Variants in ESF1 observed in about 807,000 individuals in gnomAD.
The protein encoded by ESF1 is ESF1 homolog.
Under a neutral mutation model 92.0 loss-of-function variants are expected in ESF1, and 58 were observed. The observed-to-expected ratio is 0.63, with a 90% CI of 0.51 to 0.78. ESF1 has a LOEUF of 0.78. ESF1 is among the 30% of genes least tolerant of loss of function. ESF1 has a pLI of 0.00. For missense variants in ESF1, 922 were observed against 989.1 expected (o/e 0.93, Z 0.91); for synonymous variants, 321 against 313.7 (o/e 1.02, Z -0.24).
chr20:13,758,171 C>T (rs1978988581), intron 9 of ESF1, among the ~76,000 whole-genome samples: 1 of 152,136 alleles, frequency 6.6e-6, no homozygotes, highest in African/African-American at 2.4e-5. Context: ...ATCTACCTTC[C>T]TTCAACTTTT....
At chr20:13,772,855 T>A (rs1184167863) in intron 4 of ESF1, among the ~76,000 whole-genome samples, 1 of 152,040 alleles carries the variant, frequency 6.6e-6, no homozygotes, top group African/African-American at 2.4e-5. Context: ...GAGTATCTCC[T>A]CCACATACCA....
Position 13,728,443 on chromosome 20 carries a change from T to G in ESF1, c.1973A>C (p.Glu658Ala). ...KQKALAEEASEEELPSDVDLN... is the reference protein window; with the variant it reads ...KQKALAEEASAEELPSDVDLN... ...ATCAACATCAGAGGGAAGTTCCTCTTCACTGGCCTCTTCAGCAAGAGCCTT... is the reference window on the plus strand; with the variant it reads ...ATCAACATCAGAGGGAAGTTCCTCTGCACTGGCCTCTTCAGCAAGAGCCTT... Residue 658 changes from glutamate (E) to alanine (A), a missense_variant, in exon 11 of 14, where the codon GAA becomes GCA. Glu to Ala is a moderately radical substitution (Grantham distance 107). Coordinates refer to ENST00000617257, the MANE Select transcript of ESF1 (RefSeq NM_001276380.2). 1 of 1,612,114 alleles carries G rather than the reference T, an allele frequency of 6.2e-7. No homozygotes were observed. The highest frequency in any genetic ancestry group is 8.5e-7 in the Non-Finnish European group (1 of 1,179,046).
At position 13,759,747 on chromosome 20, in the gene ESF1, T is replaced by A; in HGVS notation, c.1773A>T (p.Glu591Asp). The A allele has an allele frequency of 6.4e-7, 1 of 1,570,826 alleles. No individual in the cohort carries two copies. The highest frequency in any genetic ancestry group is 8.6e-7 in the Non-Finnish European group (1 of 1,168,332). Residue 591 changes from glutamate to aspartate, a missense_variant, in exon 9 of 14, where the codon GAA becomes GAT. Transcript: ENST00000617257. ...KYRQLLQVIQ[E>D]KEKKGKENDM... ...CATTTTCTTTGCCTTTCTTTTCTTT[T>A]TCTTGAATAACCTGCAAGAGCTGCC...
chr20:13,716,431 G>C (rs2049825358), intron 13 of ESF1, among the ~76,000 whole-genome samples: 1 of 152,088 alleles, frequency 6.6e-6, no homozygotes, highest in African/African-American at 2.4e-5. Context: ...ACCTTTGCTG[G>C]TCTGAGGATC....
intron 9 of ESF1, among the ~76,000 whole-genome samples, chr20:13,747,596 A>AG (rs1568717616): frequency 6.6e-6 from 1 of 151,336 alleles, no homozygotes; most frequent in Non-Finnish European, 1.5e-5. Context: ...CAGTCTCGAA[A>AG]AAAAAAAAAA....
intron 9 of ESF1, among the ~76,000 whole-genome samples, chr20:13,736,682 C>A (rs531064072): frequency 6.6e-6 from 1 of 151,882 alleles, no homozygotes; most frequent in Non-Finnish European, 1.5e-5. Flanking sequence ...ACTTTAGGAT[C>A]GAAATAAATG....
intron 11 of ESF1, among the ~76,000 whole-genome samples, chr20:13,719,409 T>C (rs1281351685): frequency 1.3e-5 from 2 of 152,094 alleles, no homozygotes; most frequent in African/African-American, 2.4e-5. Context: ...AAAGATTACA[T>C]AGATTCCATG....
intron 9 of ESF1, among the ~76,000 whole-genome samples, chr20:13,754,258 T>G (rs936046231): frequency 5.3e-5 from 8 of 152,198 alleles, no homozygotes; most frequent in African/African-American, 1.7e-4. Flanking sequence ...CTCACTGAAA[T>G]GCCTTCTTTA....
intron 11 of ESF1, among the ~76,000 whole-genome samples, chr20:13,723,843 A>AAT (rs1289674393): frequency 6.6e-6 from 1 of 152,246 alleles, no homozygotes; most frequent in Non-Finnish European, 1.5e-5. Context: ...TATTTTTGAA[A>AAT]AGCAAGGTCT....
At position 13,717,519 on chromosome 20, in the gene ESF1, A is replaced by T; in HGVS notation, c.2116-5T>A. 1 of 1,612,920 alleles carries T rather than the reference A, an allele frequency of 6.2e-7. No homozygotes were observed. Among genetic ancestry groups the T allele is most frequent in the Non-Finnish European group, 8.5e-7 (1 of 1,179,864 alleles). On this transcript the variant is annotated splice_region_variant and splice_polypyrimidine_tract_variant and intron_variant, in intron 12 of 13. Transcript: ENST00000617257. ...CATAAGCAAAGCCATTTCAGCCTGT[A>T]GAGAGCAAAAAAAAGTTCAAATGTA...
intron 2 of ESF1, among the ~76,000 whole-genome samples, chr20:13,776,589 C>T (rs1360470783): frequency 6.6e-6 from 1 of 152,164 alleles, no homozygotes; most frequent in Non-Finnish European, 1.5e-5. Flanking sequence ...GCTCAATATA[C>T]AACAGTTGGT....
At chr20:13,748,866 C>T (rs6105161) in intron 9 of ESF1, among the ~76,000 whole-genome samples, 2 of 151,800 alleles carry the variant, frequency 1.3e-5, no homozygotes, top group African/African-American at 2.4e-5. Context: ...GGATTAAAGG[C>T]GTGAGCCACC....
intron 9 of ESF1, 57 bp downstream of exon 9, chr20:13,759,635 A>C: frequency 6.5e-7 from 1 of 1,543,182 alleles, no homozygotes; most frequent in Non-Finnish European, 8.6e-7. Flanking sequence ...CATATTTAAA[A>C]GGTACTCAAC....
At chr20:13,771,280 A>G in intron 6 of ESF1, 51 bp downstream of exon 6, 1 of 1,505,510 alleles carries the variant, frequency 6.6e-7, no homozygotes, top group South Asian at 1.2e-5. Flanking sequence ...TTTACTTCTT[A>G]TAATCATGTT....
intron 9 of ESF1, among the ~76,000 whole-genome samples, chr20:13,758,815 C>T (rs1363517491): frequency 6.6e-6 from 1 of 152,102 alleles, no homozygotes; most frequent in East Asian, 1.9e-4. Context: ...TGATGATTTG[C>T]CCAACAATGT....
At chr20:13,751,312 C>T (rs1971181326) in intron 9 of ESF1, among the ~76,000 whole-genome samples, 1 of 152,218 alleles carries the variant, frequency 6.6e-6, no homozygotes, top group South Asian at 2.1e-4. Flanking sequence ...GAATTCACAA[C>T]TTCAAACAAA....
chr20:13,730,532 C>T (rs529513105), intron 10 of ESF1, among the ~76,000 whole-genome samples: 177 of 151,850 alleles, frequency 1.2e-3, no homozygotes, highest in African/African-American at 3.7e-3. Context: ...CACAGGTGCC[C>T]GCCACCACGC....
intron 6 of ESF1, among the ~76,000 whole-genome samples, chr20:13,770,393 G>C (rs1396734725): frequency 6.6e-6 from 1 of 152,236 alleles, no homozygotes; most frequent in African/African-American, 2.4e-5. Flanking sequence ...TTTACAGAGA[G>C]GGTCTTGCTC....
Position 13,759,749 on chromosome 20 carries a change from C to G in ESF1, c.1771G>C (p.Glu591Gln), listed in dbSNP as rs753392512. The change falls in exon 9 of 14, where the codon GAA (glutamate) becomes CAA (glutamine). Residue 591 changes from glutamate (E) to glutamine (Q), a missense_variant. By Grantham distance (29) the Glu-to-Gln change is conservative (BLOSUM62 2). Transcript: ENST00000617257. ...KYRQLLQVIQ[E>Q]KEKKGKENDM... ...TTTTCTTTGCCTTTCTTTTCTTTTT[C>G]TTGAATAACCTGCAAGAGCTGCCTG... 4 of 1,565,592 alleles carry G rather than the reference C, an allele frequency of 2.6e-6. No homozygotes were observed.
Sources: allele counts gnomAD v4.1 joint callset (sites outside exome capture counted in the v4.1 genomes callset), GRCh38; gene constraint gnomAD v4.1.1; transcripts MANE v1.5; gene names NCBI Gene and HGNC (gene_info 2026-07-23, HGNC 2026-07-21).